SNCAIP: variants seen among roughly 807,000 people sequenced by gnomAD.
SNCAIP encodes the protein synuclein alpha interacting protein, also known as synphilin-1.
In SNCAIP, 43 loss-of-function variants were observed where a neutral mutation model predicts 86.7. That is an observed-to-expected ratio of 0.50 (90% CI 0.39 to 0.64). The LOEUF (loss-of-function observed/expected upper bound fraction) is 0.64, where lower values mean the gene tolerates loss of function less well. SNCAIP is among the 30% of genes least tolerant of loss of function. The probability of loss-of-function intolerance (pLI) is 0.00; values close to 1 mark genes in which losing one functional copy is unlikely to be tolerated. For missense variants in SNCAIP, 981 were observed against 1,103.1 expected, an observed-to-expected ratio of 0.89 and a Z score of 1.57; for synonymous variants, 417 against 427.2, an observed-to-expected ratio of 0.98 and a Z score of 0.29.
intron 6 of SNCAIP, among the ~76,000 whole-genome samples, chr5:122,435,130 T>C (rs115373593): frequency 0.01 from 1,526 of 152,282 alleles, 24 homozygotes; most frequent in African/African-American, 0.034. Context: ...ATTGATTTTC[T>C]TCATCTTGAC....
intron 1 of SNCAIP, chr5:122,383,541 C>T (rs1362908566): frequency 3.2e-5 from 5 of 156,182 alleles, no homozygotes; most frequent in South Asian, 2.0e-4. Context: ...GGAGCTGTTC[C>T]TATTCGGCCA....
At chr5:122,336,811 C>T (rs1300448185) in intron 1 of SNCAIP, 1 of 152,500 alleles carries the variant, frequency 6.6e-6, no homozygotes. Flanking sequence ...CCATGTTGCC[C>T]AGGCTGGTCT....
At chr5:122,434,756 C>G (rs1208981490) in intron 6 of SNCAIP, among the ~76,000 whole-genome samples, 1 of 152,102 alleles carries the variant, frequency 6.6e-6, no homozygotes. Context: ...AACAGATAAC[C>G]TGTGGAGATG....
At chr5:122,408,019 G>A (rs1561689777) in intron 3 of SNCAIP, among the ~76,000 whole-genome samples, 1 of 152,210 alleles carries the variant, frequency 6.6e-6, no homozygotes, top group Non-Finnish European at 1.5e-5. Flanking sequence ...CTGGCCAAGA[G>A]TGCCACTAGG....
chr5:122,422,713 T>C (rs1229895889), intron 3 of SNCAIP, among the ~76,000 whole-genome samples, 155 bp from the exon 4 acceptor site: 1 of 151,918 alleles, frequency 6.6e-6, no homozygotes, highest in Non-Finnish European at 1.5e-5. Context: ...ATGGTAAGTA[T>C]GATTTTTTTT....
chr5:122,330,925 T>C (rs888773038), intron 1 of SNCAIP, among the ~76,000 whole-genome samples: 2 of 150,990 alleles, frequency 1.3e-5, no homozygotes, highest in African/African-American at 4.9e-5. Context: ...GTGATGGTTG[T>C]GGAGGGGTTG....
At chr5:122,320,798 G>A (rs1752761347) in intron 1 of SNCAIP, among the ~76,000 whole-genome samples, 3 of 152,212 alleles carry the variant, frequency 2.0e-5, no homozygotes. Flanking sequence ...CTGGTCCCCA[G>A]TAGAGCATTG....
At chr5:122,339,947 T>C (rs558766625) in intron 1 of SNCAIP, among the ~76,000 whole-genome samples, 1 of 152,338 alleles carries the variant, frequency 6.6e-6, no homozygotes, top group African/African-American at 2.4e-5. Context: ...AGGGGGTTAA[T>C]TATATTAATT....
At chr5:122,375,130 C>G (rs1340556966) in intron 1 of SNCAIP, among the ~76,000 whole-genome samples, 1 of 152,086 alleles carries the variant, frequency 6.6e-6, no homozygotes, top group Admixed American at 6.6e-5. Flanking sequence ...AACTCACTAT[C>G]CTTGCTTAAT....
rs983153273 is a variant in SNCAIP at position 122,463,641 on chromosome 5, C to T, written c.*145C>T. ...TTATTGGAAATTTCTGGACTATCCT[C>T]TTTGGAAAGAGAACCATGAAAACAA... On this transcript the variant is annotated 3_prime_UTR_variant, in exon 11 of 11. Coordinates refer to ENST00000261368, the MANE Select transcript of SNCAIP (RefSeq NM_005460.4). The T allele has an allele frequency of 3.8e-6, 3 of 795,778 alleles. No individual in the cohort carries two copies. The highest frequency in any genetic ancestry group is 6.1e-6 in the Non-Finnish European group (3 of 488,928). The allele number at this position is 795,778 out of a possible 1,614,324, so 49.3% of individuals were successfully genotyped here. A position where few individuals can be genotyped will look rare whatever the true frequency, so the allele number is the denominator to read the frequency against.
chr5:122,317,295 C>G (rs1264836428), intron 1 of SNCAIP, among the ~76,000 whole-genome samples: 1 of 152,098 alleles, frequency 6.6e-6, no homozygotes. Flanking sequence ...TATACTTGCT[C>G]AAGTAGGAAA....
intron 1 of SNCAIP, among the ~76,000 whole-genome samples, chr5:122,368,273 T>A (rs1018039163): frequency 2.0e-5 from 3 of 152,138 alleles, no homozygotes; most frequent in African/African-American, 7.2e-5. Flanking sequence ...TCAGTTTTCC[T>A]ATGATGGCAG....
chr5:122,362,592 C>T (rs534584197), intron 1 of SNCAIP, among the ~76,000 whole-genome samples: 2 of 152,224 alleles, frequency 1.3e-5, no homozygotes, highest in African/African-American at 2.4e-5. Context: ...TGTTTGAAGT[C>T]GGAGAACTCA....
chr5:122,427,706 C>T (rs1255591791), intron 5 of SNCAIP, among the ~76,000 whole-genome samples: 1 of 152,106 alleles, frequency 6.6e-6, no homozygotes, highest in Non-Finnish European at 1.5e-5. Context: ...GGTGTTTCAC[C>T]TCATTAAACA....
At chr5:122,378,261 G>C (rs1765810670) in intron 1 of SNCAIP, among the ~76,000 whole-genome samples, 3 of 144,352 alleles carry the variant, frequency 2.1e-5, no homozygotes, top group African/African-American at 7.8e-5. Flanking sequence ...ATCTCATTGT[G>C]GTTTTGATTT....
intron 1 of SNCAIP, among the ~76,000 whole-genome samples, chr5:122,345,313 A>G (rs1241582097): frequency 2.0e-5 from 3 of 152,238 alleles, no homozygotes; most frequent in Admixed American, 6.5e-5. Flanking sequence ...ACTTTTAAAC[A>G]TACAGTCAAA....
chr5:122,375,703 T>G (rs1765165904), intron 1 of SNCAIP, among the ~76,000 whole-genome samples: 1 of 152,038 alleles, frequency 6.6e-6, no homozygotes, highest in South Asian at 2.1e-4. Context: ...TAAAGTTGTG[T>G]GTGCCAATGT....
At chr5:122,435,560 C>T (rs897535557) in intron 6 of SNCAIP, among the ~76,000 whole-genome samples, 4 of 152,124 alleles carry the variant, frequency 2.6e-5, no homozygotes, top group Non-Finnish European at 5.9e-5. Context: ...GATTCTTCTA[C>T]GAAAACAACC....
chr5:122,392,203 G>T (rs992479332), intron 2 of SNCAIP, among the ~76,000 whole-genome samples: 1 of 151,912 alleles, frequency 6.6e-6, no homozygotes, highest in East Asian at 1.9e-4. Context: ...TGGATTACTG[G>T]GATGAGTTTG....
Sources: allele counts gnomAD v4.1 joint callset (sites outside exome capture counted in the v4.1 genomes callset), GRCh38; gene constraint gnomAD v4.1.1; transcripts MANE v1.5; gene names NCBI Gene and HGNC (gene_info 2026-07-23, HGNC 2026-07-21).